The following DNAH10 variants were observed in gnomAD, a reference collection of about 807,000 sequenced individuals.
DNAH10 encodes the protein dynein axonemal heavy chain 10.
DNAH10 carries 348 observed loss-of-function variants against 506.6 expected under a neutral mutation model. That is an observed-to-expected ratio of 0.69 (90% CI 0.63 to 0.75). The LOEUF (loss-of-function observed/expected upper bound fraction) is 0.75. Ranked by LOEUF, DNAH10 falls within the 30% of genes least tolerant of loss-of-function variation. The probability of loss-of-function intolerance (pLI) is 0.00; values close to 1 mark genes in which losing one functional copy is unlikely to be tolerated. For synonymous variants in DNAH10, 2,059 were observed against 2,198.6 expected (o/e 0.94, Z 1.78); for missense variants, 5,179 against 5,787.1 (o/e 0.89, Z 3.41).
At chr12:123,871,286 CCAAAGTCAATCAGTTATACACTT>C (rs776811430) in intron 44 of DNAH10, among the ~76,000 whole-genome samples, 148 bp from the exon 45 acceptor site, 12 of 152,140 alleles carry the variant, frequency 7.9e-5, no homozygotes, top group Non-Finnish European at 1.8e-4. Context: ...CAGAACTGTG[CCAAAGTCAATCAGTTATACACTT>C]CAATGGGTGA....
At chr12:123,866,616 G>A (rs1951822993) in intron 41 of DNAH10, among the ~76,000 whole-genome samples, 1 of 152,142 alleles carries the variant, frequency 6.6e-6, no homozygotes. Context: ...CTAGACCAGA[G>A]GTTGACAAAC....
intron 40 of DNAH10, among the ~76,000 whole-genome samples, chr12:123,865,445 G>C (rs975160688): frequency 6.6e-6 from 1 of 151,970 alleles, no homozygotes; most frequent in Non-Finnish European, 1.5e-5. Context: ...AAATTTGTCA[G>C]TGCATGAAAT....
chr12:123,826,731 T>C lies in DNAH10; in HGVS notation c.4224T>C (p.Asn1408=), dbSNP rs1960034236. ...CTCAGACCCTTTGGATCAACCTGAA[T>C]GTGCAGATTCTCCAGGAAGGAATTG... ...EWSQTLWINL[N]VQILQEGIEG... is the part of the protein sequence containing the mutation. Residue 1408 remains asparagine, a synonymous_variant, in exon 25 of 79, where the codon AAT becomes AAC. Transcript: ENST00000673944. The C allele has an allele frequency of 1.9e-6, 3 of 1,613,722 alleles. No individual in the cohort carries two copies. The highest frequency in any genetic ancestry group is 1.1e-5 in the South Asian group (1 of 91,074).
intron 65 of DNAH10, among the ~76,000 whole-genome samples, chr12:123,922,022 CA>C (rs1237393872): frequency 2.0e-5 from 3 of 151,576 alleles, no homozygotes; most frequent in Non-Finnish European, 4.4e-5. Flanking sequence ...GCCTAGCTTG[CA>C]AAATTTTATT....
At chr12:123,777,826 G>A (rs1312534040) in intron 5 of DNAH10, among the ~76,000 whole-genome samples, 1 of 85,250 alleles carries the variant, frequency 1.2e-5, no homozygotes, top group South Asian at 4.2e-4. Context: ...ATGCCTGGAT[G>A]ATTTTTGTAT....
intron 52 of DNAH10, among the ~76,000 whole-genome samples, chr12:123,890,163 G>A (rs1023673241): frequency 6.6e-6 from 1 of 152,228 alleles, no homozygotes; most frequent in Non-Finnish European, 1.5e-5. Context: ...GGACGAGGTG[G>A]AGGGGTTCTA....
At chr12:123,827,872 G>T (rs775617242) in intron 25 of DNAH10, among the ~76,000 whole-genome samples, 11 of 152,090 alleles carry the variant, frequency 7.2e-5, no homozygotes, top group Non-Finnish European at 1.3e-4. Flanking sequence ...TTCACTGTCT[G>T]CTGGCTTCCC....
At chr12:123,781,386 A>G (rs1957643641) in intron 6 of DNAH10, 87 bp downstream of exon 6, 1 of 1,267,506 alleles carries the variant, frequency 7.9e-7, no homozygotes, top group African/African-American at 1.5e-5. Flanking sequence ...TGCCTGGCTA[A>G]CTTTTGGAAC....
At position 123,925,009 on chromosome 12, in the gene DNAH10, T is replaced by C. The variant is rs1425554409; in HGVS notation, c.11767-41T>C. 1.5e-5 allele frequency: 24 copies of C among 1,609,406 alleles called. No individual in the cohort carries two copies. In the Admixed American group the frequency reaches 4.0e-4, roughly 27 times the overall value. Reference sequence around the variant, plus strand: ...ACACATAAATGGGGACCTATGTCATTTCTGAGTTGACGCACAATGAATATT... The same window carrying C: ...ACACATAAATGGGGACCTATGTCATCTCTGAGTTGACGCACAATGAATATT... On this transcript the variant is annotated intron_variant, in intron 67 of 78. Transcript: ENST00000673944. This position sits in a 1 kb window ranked among gnomAD's most constrained non-coding sequence, Gnocchi z 4.0.
chr12:123,762,957 GC>G lies in DNAH10; in HGVS notation c.214+408del, dbSNP rs776009773. On this transcript the variant is annotated intron_variant, in intron 1 of 78. Transcript: ENST00000673944. This position sits in a 1 kb window ranked among gnomAD's most constrained non-coding sequence, Gnocchi z 5.0. ...CCCACGGGGCGTCAAGATCCACTGT[GC>G]AATAATCCGAACGGCTGGGTAGAGC... 1.3e-5 allele frequency among the ~76,000 whole-genome samples: 2 copies of G among 152,272 alleles called. No homozygotes were observed. The highest frequency in any genetic ancestry group is 2.4e-5 in the African/African-American group (1 of 41,554).
intron 77 of DNAH10, chr12:123,934,134 T>C: frequency 1.5e-6 from 1 of 651,890 alleles, no homozygotes; most frequent in Non-Finnish European, 2.8e-6. Flanking sequence ...CACCACTCTC[T>C]CTGGGGCCAC....
intron 52 of DNAH10, 81 bp downstream of exon 52, chr12:123,887,394 C>T (rs1289264629): frequency 1.4e-6 from 2 of 1,477,698 alleles, no homozygotes; most frequent in African/African-American, 1.4e-5. Flanking sequence ...CAGTTACCAC[C>T]TCCAGACACT....
intron 48 of DNAH10, among the ~76,000 whole-genome samples, chr12:123,878,362 TTAGTC>T (rs1952353606): frequency 6.6e-6 from 1 of 152,196 alleles, no homozygotes; most frequent in Admixed American, 6.5e-5. Context: ...AATGTCTACT[TTAGTC>T]TATGTGGATT....
intron 59 of DNAH10, among the ~76,000 whole-genome samples, chr12:123,912,775 A>G (rs994232074): frequency 2.0e-5 from 3 of 152,246 alleles, no homozygotes; most frequent in Admixed American, 6.5e-5. Context: ...GCTTGGAACC[A>G]ATAGAAATAC....
At chr12:123,875,153 TG>T (rs2137008752) in intron 46 of DNAH10, 77 bp from the exon 47 acceptor site, 1 of 1,495,044 alleles carries the variant, frequency 6.7e-7, no homozygotes, top group East Asian at 2.4e-5. Context: ...GAGCTTGAGC[TG>T]GGATGGTCAG....
At chr12:123,786,017 T>G in intron 9 of DNAH10, 81 bp downstream of exon 9, 1 of 1,387,574 alleles carries the variant, frequency 7.2e-7, no homozygotes, top group Non-Finnish European at 9.7e-7. Flanking sequence ...TCTATTGAGC[T>G]ATAATTCACA....
intron 54 of DNAH10, among the ~76,000 whole-genome samples, chr12:123,895,018 A>T (rs1953155807): frequency 6.6e-6 from 1 of 152,232 alleles, no homozygotes; most frequent in South Asian, 2.1e-4. Flanking sequence ...GTTTTAGTAA[A>T]TAAAGTTTTA....
intron 56 of DNAH10, among the ~76,000 whole-genome samples, chr12:123,901,438 T>C (rs1301476397): frequency 6.6e-6 from 1 of 152,204 alleles, no homozygotes; most frequent in Admixed American, 6.5e-5. Flanking sequence ...GGGGACCCTT[T>C]ACAGTGTCAA....
In DNAH10 at chr12:123,859,143, C is replaced by T; in HGVS notation, c.6631-7C>T. ...TTTTAGCCCAGCTGCCATTGTTTGT[C>T]CCGCAGGTGGATAAAGTGGTTCAAA... On this transcript the variant is annotated splice_polypyrimidine_tract_variant and splice_region_variant and intron_variant, in intron 37 of 78. Coordinates refer to ENST00000673944, the MANE Select transcript of DNAH10 (RefSeq NM_001372106.1). 2 of 1,604,432 alleles carry T rather than the reference C, an allele frequency of 1.2e-6. No homozygotes were observed. The highest frequency in any genetic ancestry group is 1.7e-6 in the Non-Finnish European group (2 of 1,175,720).
Sources: allele counts gnomAD v4.1 joint callset (sites outside exome capture counted in the v4.1 genomes callset), GRCh38; gene constraint gnomAD v4.1.1; non-coding constraint Gnocchi (gnomAD v3.1); transcripts MANE v1.5; gene names NCBI Gene and HGNC (gene_info 2026-07-23, HGNC 2026-07-21).